Variants in CHEK1 observed in about 807,000 individuals in gnomAD.
CHEK1 encodes the protein serine/threonine-protein kinase Chk1.
Under a neutral mutation model 60.2 loss-of-function variants are expected in CHEK1, and 32 were observed. The ratio of observed to expected loss-of-function variants is 0.53; its 90% confidence interval spans 0.40 to 0.71. The LOEUF (loss-of-function observed/expected upper bound fraction) is 0.71, where lower values mean the gene tolerates loss of function less well. Among genes scored for constraint, CHEK1 ranks in the 30% least tolerant of loss-of-function variants. The probability of loss-of-function intolerance (pLI) is 0.00; values close to 1 mark genes in which losing one functional copy is unlikely to be tolerated. For missense variants in CHEK1, 399 were observed against 564.6 expected (o/e 0.71, Z 2.97); for synonymous variants, 179 against 187.2 (o/e 0.96, Z 0.36).
In CHEK1 at chr11:125,625,666, G is replaced by T. The variant is rs1407797143; in HGVS notation, c.-367G>T. On this transcript the variant is annotated 5_prime_UTR_variant, in exon 1 of 13. It adds an upstream start codon to the 5' untranslated region. Coordinates refer to ENST00000438015, the MANE Select transcript of CHEK1 (RefSeq NM_001114122.3). The stretch of plus-strand genomic sequence containing the variant: ...CGGTCGCGCGCCCCTGAGGCTTGGA[G>T]GCCTGGGCTTCCCCCAGCAGCGCTC... The T allele has an allele frequency of 6.6e-6, 4 of 608,546 alleles. No individual in the cohort carries two copies. The highest frequency in any genetic ancestry group is 1.2e-5 in the Non-Finnish European group (4 of 337,304). The allele number at this position is 608,546 out of a possible 1,614,324, so 37.7% of individuals were successfully genotyped here. A position where few individuals can be genotyped will look rare whatever the true frequency, so the allele number is the denominator to read the frequency against.
chr11:125,626,017 G>A lies in CHEK1; in HGVS notation c.-21+5G>A. 4 of 696,830 alleles carry A rather than the reference G, an allele frequency of 5.7e-6. No homozygotes were observed. Among genetic ancestry groups the A allele is most frequent in the Non-Finnish European group, 1.1e-5 (4 of 380,094 alleles). 43.2% of individuals were successfully genotyped at this position (696,830 alleles called of 1,614,324 possible). On this transcript the variant is annotated splice_donor_5th_base_variant and intron_variant, in intron 1 of 12. Transcript: ENST00000438015. The stretch of plus-strand genomic sequence containing the variant: ...TGGTGGGCAAAGGACAGTCCGGTGA[G>A]GAAGGGCGGCCGGTAGAGTAGGGAA...
At chr11:125,638,464 T>G (rs1941155258) in intron 8 of CHEK1, among the ~76,000 whole-genome samples, 1 of 152,082 alleles carries the variant, frequency 6.6e-6, no homozygotes, top group Non-Finnish European at 1.5e-5. Flanking sequence ...TGAAAAACAT[T>G]CAGAGAGTTA....
At chr11:125,679,527 C>G (rs1008916198), downstream of CHEK1, among the ~76,000 whole-genome samples, 1 of 152,164 alleles carries the variant, frequency 6.6e-6, no homozygotes, top group Admixed American at 6.5e-5. Flanking sequence ...CAATCCATCT[C>G]ATCATTGACT....
At chr11:125,640,491 G>A (rs1360594270) in intron 8 of CHEK1, among the ~76,000 whole-genome samples, 3 of 149,304 alleles carry the variant, frequency 2.0e-5, no homozygotes, top group African/African-American at 7.4e-5. Context: ...GCAGTGAGCC[G>A]AGATCGCACC....
chr11:125,678,978 T>TTATTTATATATATATATATATATATATA (rs1555078665), downstream of CHEK1, among the ~76,000 whole-genome samples: 2 of 88,444 alleles, frequency 2.3e-5, no homozygotes, highest in African/African-American at 4.3e-5. Context: ...TCTAGGCATA[T>TTATTTATATATATATATATATATATATA]TATATATATA....
At chr11:125,652,938 C>G (rs1465925532) in intron 11 of CHEK1, among the ~76,000 whole-genome samples, 2 of 152,116 alleles carry the variant, frequency 1.3e-5, no homozygotes, top group Non-Finnish European at 2.9e-5. Flanking sequence ...ATTTTGTATT[C>G]TTTCATGAAT....
chr11:125,627,194 A>T (rs1413693956), intron 2 of CHEK1, among the ~76,000 whole-genome samples: 1 of 152,140 alleles, frequency 6.6e-6, no homozygotes, highest in Non-Finnish European at 1.5e-5. Flanking sequence ...TCTTAATGTC[A>T]TTGTGTACCT....
chr11:125,670,903 A>G (rs918178030), intron 13 of CHEK1, among the ~76,000 whole-genome samples: 1 of 152,130 alleles, frequency 6.6e-6, no homozygotes, highest in African/African-American at 2.4e-5. Flanking sequence ...GTTACTTCAA[A>G]TTATTCCACT....
At chr11:125,669,482 A>C (rs943207000) in intron 13 of CHEK1, among the ~76,000 whole-genome samples, 12 of 134,206 alleles carry the variant, frequency 8.9e-5, no homozygotes, top group Non-Finnish European at 1.8e-4. Context: ...TAATTTGCTT[A>C]TTATGTGCCT....
Position 125,635,511 on chromosome 11 carries a change from A to G in CHEK1, c.696A>G (p.Lys232=). The G allele has an allele frequency of 6.2e-7, 1 of 1,605,766 alleles. No individual in the cohort carries two copies. ...AAAAAACATACCTCAACCCTTGGAA[A>G]AAAATCGATTCTGCTCCTCTAGGTA... ...KEKKTYLNPW[K]KIDSAPLALL... is the part of the protein sequence containing the mutation. Residue 232 remains lysine, a synonymous_variant, in exon 7 of 13, where the codon AAA becomes AAG. Coordinates refer to ENST00000438015, the MANE Select transcript of CHEK1 (RefSeq NM_001114122.3).
intron 8 of CHEK1, among the ~76,000 whole-genome samples, chr11:125,640,323 C>T (rs1001592581): frequency 5.9e-5 from 9 of 152,058 alleles, no homozygotes; most frequent in Non-Finnish European, 1.3e-4. Context: ...GGGCGGATCA[C>T]GAGGTCAGGA....
Position 125,656,956 on chromosome 11 carries a change from A to G in CHEK1, c.*1636A>G, listed in dbSNP as rs1298268826. The G allele has an allele frequency of 5.0e-6, 1 of 199,590 alleles. No individual in the cohort carries two copies. Among genetic ancestry groups the G allele is most frequent in the East Asian group, 7.8e-5 (1 of 12,828 alleles). 12.4% of individuals were successfully genotyped at this position (199,590 alleles called of 1,614,324 possible). A position where few individuals can be genotyped will look rare whatever the true frequency, so the allele number is the denominator to read the frequency against. ...TTGCCTCAGTAAAGACACTGATAAT[A>G]AGTACCTTTTAGAGTTATTTTAATC... On this transcript the variant is annotated 3_prime_UTR_variant, in exon 13 of 13. Transcript: ENST00000438015.
chr11:125,677,981 G>A (rs142871137), downstream of CHEK1: 14 of 1,612,492 alleles, frequency 8.7e-6, no homozygotes, highest in East Asian at 2.7e-4. Flanking sequence ...CTCCGGAGAG[G>A]TGTTCACCTG....
At position 125,637,347 on chromosome 11, in the gene CHEK1, T is replaced by C. The variant is rs523740; in HGVS notation, c.719-102T>C. 2.0e-3 allele frequency: 1,498 copies of C among 754,182 alleles called. 5 individuals carry two copies. Among genetic ancestry groups the C allele is most frequent in the Middle Eastern group, 2.8e-3 (11 of 3,978 alleles). 46.7% of individuals were successfully genotyped at this position (754,182 alleles called of 1,614,324 possible). ...TTCTTTCTCTTCCCCAGGAATAATA[T>C]TTAGACATAAGTAGGCTAACAGAAA... is the stretch of plus-strand genomic sequence containing the variant. On this transcript the variant is annotated intron_variant, in intron 7 of 12. Transcript: ENST00000438015.
At chr11:125,664,265 ACT>A (rs1942061754) in intron 13 of CHEK1, among the ~76,000 whole-genome samples, 1 of 133,404 alleles carries the variant, frequency 7.5e-6, no homozygotes, top group African/African-American at 2.9e-5. Context: ...ACAGAGTCTC[ACT>A]CTGTCGCCCA....
chr11:125,633,192 G>T lies in CHEK1; in HGVS notation c.454G>T (p.Ala152Ser), dbSNP rs2135989730. 1 of 1,595,552 alleles carries T rather than the reference G, an allele frequency of 6.3e-7. No homozygotes were observed. The highest frequency in any genetic ancestry group is 8.5e-7 in the Non-Finnish European group (1 of 1,174,812). The change falls in exon 6 of 13, where the codon GCA becomes TCA. Residue 152 changes from alanine to serine, a missense_variant. This residue lies in a region of CHEK1 where 370 missense variants were observed against 494.8 expected (regional missense o/e 0.75). Coordinates refer to ENST00000438015, the MANE Select transcript of CHEK1 (RefSeq NM_001114122.3). ...DNLKISDFGL[A>S]TVFRYNNRER... ...CCTCAAAATCTCAGACTTTGGCTTG[G>T]CAACAGTATTTCGGTATAATAATCG...
intron 8 of CHEK1, 138 bp downstream of exon 8, chr11:125,637,682 T>C (rs1413261671): frequency 2.1e-5 from 10 of 481,716 alleles, no homozygotes; most frequent in Non-Finnish European, 3.2e-5. Context: ...TAGAAAAAAA[T>C]ACAGAAATAA....
At chr11:125,650,745 A>G (rs1047973398) in intron 11 of CHEK1, among the ~76,000 whole-genome samples, 1 of 152,070 alleles carries the variant, frequency 6.6e-6, no homozygotes, top group African/African-American at 2.4e-5. Flanking sequence ...TTTTTCTTAT[A>G]TAATTTTTTA....
At chr11:125,643,744 T>TA in intron 8 of CHEK1, 48 bp from the exon 9 acceptor site, 1 of 1,454,876 alleles carries the variant, frequency 6.9e-7, no homozygotes, top group Non-Finnish European at 9.5e-7. Flanking sequence ...TTTAAAAACA[T>TA]ACTTGCATAG....
Sources: gnomAD v4.1 joint callset for allele counts (sites outside exome capture counted in the v4.1 genomes callset) on GRCh38, gnomAD v4.1.1 for gene constraint, gnomAD v4.1.1 regional missense constraint, MANE v1.5 for transcripts, NCBI Gene and HGNC (gene_info 2026-07-23, HGNC 2026-07-21) for gene names.